KIAA1217: variants seen among roughly 807,000 people sequenced by gnomAD.
KIAA1217 encodes KIAA1217.
In KIAA1217, 88 loss-of-function variants were observed where a neutral mutation model predicts 163.9. That is an observed-to-expected ratio of 0.54 (90% CI 0.45 to 0.64). KIAA1217 has a LOEUF of 0.64. Ranked by LOEUF, KIAA1217 falls within the 30% of genes least tolerant of loss-of-function variation. KIAA1217 has a pLI of 0.00. For synonymous variants in KIAA1217, 903 were observed against 923.1 expected, an observed-to-expected ratio of 0.98 and a Z score of 0.39; for missense variants, 2,372 against 2,475.0, an observed-to-expected ratio of 0.96 and a Z score of 0.88.
chr10:23,743,261 G>T (rs1357659704), intron 1 of KIAA1217, among the ~76,000 whole-genome samples: 1 of 151,356 alleles, frequency 6.6e-6, no homozygotes, highest in East Asian at 1.9e-4. Flanking sequence ...AAAAATCAGT[G>T]TTTACGGTAG....
At chr10:24,005,511 CCAG>C (rs1846953376) in intron 1 of KIAA1217, among the ~76,000 whole-genome samples, 1 of 152,110 alleles carries the variant, frequency 6.6e-6, no homozygotes, top group Non-Finnish European at 1.5e-5. Context: ...TGGAAGGATC[CCAG>C]ACTTTGAAGT....
At chr10:23,893,755 AC>A (rs1226234715) in intron 1 of KIAA1217, among the ~76,000 whole-genome samples, 1 of 152,056 alleles carries the variant, frequency 6.6e-6, no homozygotes, top group East Asian at 1.9e-4. Flanking sequence ...ATACTGGCAA[AC>A]CAAATCCAGC....
At chr10:24,370,122 A>G (rs936586425) in intron 2 of KIAA1217, among the ~76,000 whole-genome samples, 3 of 152,044 alleles carry the variant, frequency 2.0e-5, no homozygotes. Flanking sequence ...AAACTTAGCC[A>G]GGCGTGATGG....
In KIAA1217 at chr10:24,000,532, G is replaced by C. The variant is rs115306872; in HGVS notation, c.-320-6693G>C. Among the ~76,000 whole-genome samples, 207 of 152,292 alleles carry C rather than the reference G, an allele frequency of 1.4e-3. 1 individual carries two copies. The highest frequency in any genetic ancestry group is 4.8e-3 in the African/African-American group (201 of 41,562). ...TCCTTTATAAATTACCCAGTCTCTC[G>C]TATGTCCTTATAGCAGTATGAGAAC... On this transcript the variant is annotated intron_variant, in intron 1 of 18. Coordinates refer to the KIAA1217 transcript ENST00000376462.
At chr10:23,716,411 C>A (rs1298941572) in intron 1 of KIAA1217, among the ~76,000 whole-genome samples, 2 of 152,098 alleles carry the variant, frequency 1.3e-5, no homozygotes, top group African/African-American at 2.4e-5. Context: ...TCTAGGGGAT[C>A]CTTTAGGCTA....
chr10:24,039,813 G>GATATAGAT (rs1848555452), intron 2 of KIAA1217, among the ~76,000 whole-genome samples: 3 of 64,294 alleles, frequency 4.7e-5, no homozygotes, highest in African/African-American at 1.0e-4. Context: ...TATAGATATA[G>GATATAGAT]ATATAGATAT....
At chr10:24,469,534 G>C (rs1463579366) in intron 5 of KIAA1217, among the ~76,000 whole-genome samples, 1 of 152,198 alleles carries the variant, frequency 6.6e-6, no homozygotes, top group Non-Finnish European at 1.5e-5. Flanking sequence ...AGGTGGCTAA[G>C]GAAGGAAAAG....
chr10:24,425,040 T>C (rs2131618462), intron 3 of KIAA1217, among the ~76,000 whole-genome samples: 1 of 152,342 alleles, frequency 6.6e-6, no homozygotes, highest in East Asian at 1.9e-4. Flanking sequence ...TTCTACCAAC[T>C]CTACTGAAAG....
intron 1 of KIAA1217, among the ~76,000 whole-genome samples, chr10:23,848,312 G>T (rs1222643536): frequency 1.3e-5 from 2 of 151,808 alleles, no homozygotes; most frequent in Non-Finnish European, 2.9e-5. Context: ...GACAGTGGGG[G>T]GTGTTAAAGT....
chr10:24,373,244 T>C (rs757620377), intron 2 of KIAA1217, among the ~76,000 whole-genome samples: 2 of 152,116 alleles, frequency 1.3e-5, no homozygotes, highest in Admixed American at 1.3e-4. Context: ...GGAATACAGG[T>C]CTTCCCAATT....
At chr10:24,096,044 C>T (rs1005290833) in intron 2 of KIAA1217, among the ~76,000 whole-genome samples, 1 of 152,164 alleles carries the variant, frequency 6.6e-6, no homozygotes, top group Non-Finnish European at 1.5e-5. Flanking sequence ...GGAATTCAAG[C>T]CTGCAGTGAG....
chr10:24,490,225 C>T (rs7071733), intron 6 of KIAA1217, among the ~76,000 whole-genome samples: 37,367 of 152,074 alleles, frequency 0.25, 5,268 homozygotes, highest in South Asian at 0.38. Flanking sequence ...AAATGGTTTA[C>T]GAAATCATTT....
chr10:24,355,092 C>T (rs1442704770), intron 2 of KIAA1217, among the ~76,000 whole-genome samples: 1 of 152,134 alleles, frequency 6.6e-6, no homozygotes, highest in Non-Finnish European at 1.5e-5. Context: ...AAGATGAGGC[C>T]AGAGTTCAGC....
At chr10:23,862,278 C>T (rs1839990116) in intron 1 of KIAA1217, among the ~76,000 whole-genome samples, 1 of 152,110 alleles carries the variant, frequency 6.6e-6, no homozygotes, top group African/African-American at 2.4e-5. Flanking sequence ...ACATGAACCT[C>T]TATTTCAGTG....
At chr10:24,387,766 A>T in intron 3 of KIAA1217, among the ~76,000 whole-genome samples, 1 of 152,128 alleles carries the variant, frequency 6.6e-6, no homozygotes. Context: ...AATAACAGAC[A>T]AACAGAGAGC....
At chr10:23,869,395 G>T (rs567238708) in intron 1 of KIAA1217, among the ~76,000 whole-genome samples, 1 of 151,984 alleles carries the variant, frequency 6.6e-6, no homozygotes, top group South Asian at 2.1e-4. Context: ...CAACAGACTT[G>T]TTTCAAGTGG....
chr10:24,506,966 G>C (rs2068449853), intron 9 of KIAA1217, among the ~76,000 whole-genome samples: 1 of 152,238 alleles, frequency 6.6e-6, no homozygotes, highest in South Asian at 2.1e-4. Flanking sequence ...CAGAAACTAA[G>C]TCGGGGGCTG....
chr10:23,743,492 G>T (rs1377078996), intron 1 of KIAA1217, among the ~76,000 whole-genome samples: 2 of 152,154 alleles, frequency 1.3e-5, no homozygotes, highest in Admixed American at 1.3e-4. Context: ...CATTCCACTG[G>T]AATGAATTGA....
intron 2 of KIAA1217, among the ~76,000 whole-genome samples, chr10:24,226,648 A>C (rs1386383849): frequency 6.6e-6 from 1 of 151,972 alleles, no homozygotes; most frequent in African/African-American, 2.4e-5. Flanking sequence ...TCTCAAAAAA[A>C]AAATAATAAT....
Sources: allele counts gnomAD v4.1 joint callset (sites outside exome capture counted in the v4.1 genomes callset), GRCh38; gene constraint gnomAD v4.1.1; transcripts MANE v1.5; gene names NCBI Gene and HGNC (gene_info 2026-07-23, HGNC 2026-07-21).